PHKA1: variants seen among roughly 807,000 people sequenced by gnomAD.
PHKA1 encodes phosphorylase kinase regulatory subunit alpha 1.
In PHKA1, 60 loss-of-function variants were observed where a neutral mutation model predicts 110.2. That is an observed-to-expected ratio of 0.54 (90% CI 0.44 to 0.68). The LOEUF (loss-of-function observed/expected upper bound fraction) is 0.68, where lower values mean the gene tolerates loss of function less well. Ranked by LOEUF, PHKA1 falls within the 30% of genes least tolerant of loss-of-function variation. The probability of loss-of-function intolerance (pLI) is 0.00; values close to 1 mark genes in which losing one functional copy is unlikely to be tolerated. For missense variants in PHKA1, 801 were observed against 942.5 expected (o/e 0.85, Z 1.97); for synonymous variants, 316 against 333.6 (o/e 0.95, Z 0.58).
chrX:72,654,787 T>C (rs1355623762), intron 10 of PHKA1, among the ~76,000 whole-genome samples: 1 of 109,963 alleles, frequency 9.1e-6, no homozygotes, highest in Non-Finnish European at 1.9e-5. Flanking sequence ...TAAATATGCA[T>C]AGCATGGTGA....
chrX:72,710,518 T>C (rs887357627), intron 2 of PHKA1, among the ~76,000 whole-genome samples: 1 of 112,145 alleles, frequency 8.9e-6, no homozygotes, highest in East Asian at 2.8e-4. Flanking sequence ...AAAAAAGATA[T>C]GATTTTCTGG....
rs782148009 is a variant in PHKA1, at chrX:72,605,254, G to A, written c.2815+17C>T. 1 of 1,178,245 alleles carries A rather than the reference G, an allele frequency of 8.5e-7. No individual in the cohort carries two copies. Among genetic ancestry groups the A allele is most frequent in the African/African-American group, 1.8e-5 (1 of 56,563 alleles). ...TCAAAAGTGAATTCCACCTAAAATAGTTACTGAATTAAGTACCTGAGCATC... is the reference window on the plus strand; with the variant it reads ...TCAAAAGTGAATTCCACCTAAAATAATTACTGAATTAAGTACCTGAGCATC... On this transcript the variant is annotated intron_variant, in intron 25 of 31. Coordinates refer to ENST00000373542, the MANE Select transcript of PHKA1 (RefSeq NM_002637.4).
intron 6 of PHKA1, among the ~76,000 whole-genome samples, chrX:72,671,169 T>C (rs1358588414): frequency 1.8e-5 from 2 of 111,223 alleles, no homozygotes; most frequent in African/African-American, 6.6e-5. Context: ...GATGACATGA[T>C]TGTATATCTA....
At chrX:72,618,929 T>A in intron 20 of PHKA1, 80 bp from the exon 21 acceptor site, 3 of 931,325 alleles carry the variant, frequency 3.2e-6, no homozygotes, top group Non-Finnish European at 4.7e-6. Context: ...AGTCATATTT[T>A]CACCTCTAAA....
At chrX:72,671,410 C>G (rs1214594202) in intron 6 of PHKA1, among the ~76,000 whole-genome samples, 5 of 111,116 alleles carry the variant, frequency 4.5e-5, no homozygotes, top group African/African-American at 1.6e-4. Flanking sequence ...AGGAGAACTA[C>G]AAACCACTAC....
chrX:72,580,192 G>A lies in PHKA1; in HGVS notation c.*810C>T, dbSNP rs1328041593. 4 of 111,655 alleles carry A rather than the reference G, an allele frequency of 3.6e-5. No homozygotes were observed. The highest frequency in any genetic ancestry group is 1.3e-4 in the African/African-American group (4 of 30,687). 9.2% of individuals were successfully genotyped at this position (111,655 alleles called of 1,213,427 possible). On this transcript the variant is annotated 3_prime_UTR_variant, in exon 32 of 32. Transcript: ENST00000373542. ...TTCTTTCCCTTCCTCTCTGGAATTG[G>A]GCTCCGGGCTCCATTTCTGGGTTAT...
At chrX:72,656,096 A>G (rs782739924) in intron 10 of PHKA1, 24 bp downstream of exon 10, 4 of 1,208,564 alleles carry the variant, frequency 3.3e-6, no homozygotes, top group Non-Finnish European at 4.5e-6. Flanking sequence ...CATTCTGCTG[A>G]AAACTCTTTC....
At chrX:72,644,648 T>C (rs781969557) in intron 13 of PHKA1, 152 bp from the exon 14 acceptor site, 1 of 484,696 alleles carries the variant, frequency 2.1e-6, no homozygotes, top group South Asian at 3.2e-5. Context: ...ATAAGTATCA[T>C]GCTAAATAAT....
At chrX:72,687,835 T>C (rs2053985943) in intron 4 of PHKA1, among the ~76,000 whole-genome samples, 1 of 108,929 alleles carries the variant, frequency 9.2e-6, no homozygotes, top group Non-Finnish European at 1.9e-5. Context: ...GAAACTTTTT[T>C]TTTTTTTTTG....
At chrX:72,625,896 C>T (rs1186157599) in intron 17 of PHKA1, among the ~76,000 whole-genome samples, 1 of 111,430 alleles carries the variant, frequency 9.0e-6, no homozygotes, top group Non-Finnish European at 1.9e-5. Context: ...GAACTCCTGG[C>T]TTCAAGTGAT....
intron 30 of PHKA1, 110 bp downstream of exon 30, chrX:72,584,139 A>C: frequency 1.6e-6 from 1 of 638,815 alleles, no homozygotes; most frequent in Non-Finnish European, 2.6e-6. Context: ...TTTCATGTTC[A>C]GTTGATTTAT....
At chrX:72,704,345 C>T (rs1235624961) in intron 3 of PHKA1, among the ~76,000 whole-genome samples, 1 of 111,385 alleles carries the variant, frequency 9.0e-6, no homozygotes, top group Non-Finnish European at 1.9e-5. Flanking sequence ...ATTTATTCTA[C>T]TTAGTATGAA....
At chrX:72,610,158 T>C (rs148642513) in intron 22 of PHKA1, among the ~76,000 whole-genome samples, 202 of 111,356 alleles carry the variant, frequency 1.8e-3, no homozygotes, top group African/African-American at 6.2e-3. Flanking sequence ...CTTTGAGATT[T>C]ACAACAAATT....
intron 3 of PHKA1, among the ~76,000 whole-genome samples, chrX:72,699,886 A>G (rs968905657): frequency 2.7e-5 from 3 of 112,201 alleles, no homozygotes; most frequent in African/African-American, 9.7e-5. Context: ...TCGTGGAAGA[A>G]GACAGTGCAC....
In PHKA1 at chrX:72,611,172, C is replaced by G; in HGVS notation, c.2382G>C (p.Trp794Cys). 1 of 1,201,295 alleles carries G rather than the reference C, an allele frequency of 8.3e-7. No individual in the cohort carries two copies. Among genetic ancestry groups the G allele is most frequent in the Non-Finnish European group, 1.1e-6 (1 of 886,448 alleles). The stretch of plus-strand genomic sequence containing the variant: ...TCCGTTCATTATACAATTCAGTGTT[C>G]CAGTCAGGTCCTCTAGAATTTTAAC... ...YMLYTMKGPD[W>C]NTELYNERSA... The change falls in exon 22 of 32, where the codon TGG becomes TGC. Residue 794 changes from tryptophan (W) to cysteine (C), a missense_variant. Coordinates refer to ENST00000373542, the MANE Select transcript of PHKA1 (RefSeq NM_002637.4).
intron 4 of PHKA1, among the ~76,000 whole-genome samples, chrX:72,690,579 C>G (rs1396566738): frequency 1.8e-5 from 2 of 111,156 alleles, no homozygotes; most frequent in African/African-American, 6.5e-5. Context: ...TGAGGCCTCA[C>G]CAGAAACCAA....
chrX:72,615,946 T>C (rs951452896), intron 21 of PHKA1, among the ~76,000 whole-genome samples: 1 of 112,329 alleles, frequency 8.9e-6, no homozygotes, highest in African/African-American at 3.2e-5. Flanking sequence ...GCCAACTATA[T>C]GCTGCTTAAA....
intron 4 of PHKA1, among the ~76,000 whole-genome samples, chrX:72,685,341 A>G (rs2053955769): frequency 9.0e-6 from 1 of 111,254 alleles, no homozygotes. Context: ...TCCCCCCTCA[A>G]ACATACAGAA....
chrX:72,584,020 C>T lies in PHKA1; in HGVS notation c.3297+229G>A, dbSNP rs1002529223. On this transcript the variant is annotated intron_variant, in intron 30 of 31. Transcript: ENST00000373542. ...TAACCCTCACAACGCTCACATAAGC[C>T]GGCCTAACTTAATCAACCATTAAAA... Among the ~76,000 whole-genome samples the T allele has an allele frequency of 1.2e-4, 13 of 112,144 alleles. 1 individual carries two copies. Among genetic ancestry groups the T allele is most frequent in the Admixed American group, 1.0e-3 (11 of 10,591 alleles).
Sources: allele counts gnomAD v4.1 joint callset (sites outside exome capture counted in the v4.1 genomes callset), GRCh38; gene constraint gnomAD v4.1.1; transcripts MANE v1.5; gene names NCBI Gene and HGNC (gene_info 2026-07-23, HGNC 2026-07-21).